The following PXK variants were observed in gnomAD, a reference collection of about 807,000 sequenced individuals.
PXK encodes the protein PX domain containing serine/threonine kinase like.
PXK carries 35 observed loss-of-function variants against 84.7 expected under a neutral mutation model. The ratio of observed to expected loss-of-function variants is 0.41; its 90% confidence interval spans 0.32 to 0.55. PXK has a LOEUF of 0.55. Ranked by LOEUF, PXK falls within the 20% of genes least tolerant of loss-of-function variation. The probability of loss-of-function intolerance (pLI) is 0.21; values close to 1 mark genes in which losing one functional copy is unlikely to be tolerated. For synonymous variants in PXK, 253 were observed against 260.8 expected, an observed-to-expected ratio of 0.97 and a Z score of 0.29; for missense variants, 634 against 699.7, an observed-to-expected ratio of 0.91 and a Z score of 1.06.
chr3:58,403,688 C>A (rs1029862813), intron 12 of PXK, among the ~76,000 whole-genome samples, 174 bp from the exon 13 acceptor site: 2 of 152,190 alleles, frequency 1.3e-5, no homozygotes, highest in African/African-American at 2.4e-5. Context: ...GGGCCACCTG[C>A]AAATCCCTTT....
In PXK at chr3:58,422,310, G is replaced by A. The variant is rs559654587; in HGVS notation, c.1529-2442G>A. The A allele has an allele frequency of 1.7e-5, 17 of 985,218 alleles. 1 individual carries two copies. The South Asian group carries it at 6.6e-4, about 38-fold the overall frequency. The allele number at this position is 985,218 out of a possible 1,614,324, so 61.0% of individuals were successfully genotyped here. ...TGTTCCAAACTGGCAAGCTGGGTCT[G>A]GCCTTCCTTGCCCTGGTTGTACATA... On this transcript the variant is annotated intron_variant, in intron 17 of 17. Coordinates refer to ENST00000356151, the MANE Select transcript of PXK (RefSeq NM_017771.5).
In PXK at chr3:58,416,267, T is replaced by C. The variant is rs538002404; in HGVS notation, c.1528+3304T>C. 1.3e-4 allele frequency among the ~76,000 whole-genome samples: 20 copies of C among 152,366 alleles called. No individual in the cohort carries two copies. The highest frequency in any genetic ancestry group is 4.8e-4 in the African/African-American group (20 of 41,584). ...TTGGCTATTGTTCTTAAGCCACTTA[T>C]TACCTTCTTGTTTACCAAGTTACTT... is the stretch of plus-strand genomic sequence containing the variant. On this transcript the variant is annotated intron_variant, in intron 17 of 17. Transcript: ENST00000356151. This position sits in a 1 kb window ranked among gnomAD's most constrained non-coding sequence, Gnocchi z 4.8.
chr3:58,422,027 C>T, intron 17 of PXK: 6 of 985,336 alleles, frequency 6.1e-6, no homozygotes, highest in Non-Finnish European at 7.2e-6. Context: ...GGCAGTTGTT[C>T]CCAGGTTTGT....
rs751350857 is a variant in PXK at position 58,412,940 on chromosome 3, C to T, written c.1505C>T (p.Ser502Leu). The change falls in exon 17 of 18, where the codon TCG (serine) becomes TTG (leucine). Residue 502 changes from serine (S) to leucine (L), a missense_variant. Around this residue, in one of 3 missense-constraint regions of PXK, gnomAD observed 273 missense variants for 283.6 expected, o/e 0.96. Coordinates refer to ENST00000356151, the MANE Select transcript of PXK (RefSeq NM_017771.5). This position sits in a 1 kb window ranked among gnomAD's most constrained non-coding sequence, Gnocchi z 6.2. The part of the protein sequence containing the change: ...GASSPLTSPS[S>L]PTPPSTSGIS... ...AGCTCACCTCTCACGTCCCCGTCAT[C>T]GCCAACTCCACCCTCTACATCAGGT... 6.2e-7 allele frequency: 1 copy of T among 1,614,202 alleles called. No individual in the cohort carries two copies. Among genetic ancestry groups the T allele is most frequent in the South Asian group, 1.1e-5 (1 of 91,090 alleles).
intron 1 of PXK, among the ~76,000 whole-genome samples, chr3:58,345,134 A>G (rs1170590249): frequency 6.6e-6 from 1 of 152,188 alleles, no homozygotes; most frequent in African/African-American, 2.4e-5. Flanking sequence ...AAAAGCAAAG[A>G]TGAAGCAAAG....
intron 1 of PXK, among the ~76,000 whole-genome samples, chr3:58,358,601 T>C (rs576387536): frequency 6.6e-6 from 1 of 152,172 alleles, no homozygotes; most frequent in Non-Finnish European, 1.5e-5. Flanking sequence ...CCTTGGTACT[T>C]TGACATTTGG....
chr3:58,407,872 A>G lies in PXK; in HGVS notation c.1231-1052A>G, dbSNP rs943696817. Among the ~76,000 whole-genome samples, 20 of 152,170 alleles carry G rather than the reference A, an allele frequency of 1.3e-4. No individual in the cohort carries two copies. Among genetic ancestry groups the G allele is most frequent in the Non-Finnish European group, 2.8e-4 (19 of 68,034 alleles). ...TTGCCCGGCTGCACCAAAGTTTTAA[A>G]TTTTGATGAAGTTTAATTTTTTTTC... On this transcript the variant is annotated intron_variant, in intron 13 of 17. Transcript: ENST00000356151. The surrounding 1 kb of genome is among the most constrained non-coding windows in gnomAD (Gnocchi z 4.3).
intron 3 of PXK, among the ~76,000 whole-genome samples, chr3:58,380,684 G>A (rs1325538174): frequency 6.6e-6 from 1 of 152,130 alleles, no homozygotes; most frequent in Non-Finnish European, 1.5e-5. Context: ...AGTGGCACAT[G>A]CCTGTAATCC....
At chr3:58,392,519 G>C (rs1203282449) in intron 7 of PXK, among the ~76,000 whole-genome samples, 1 of 152,122 alleles carries the variant, frequency 6.6e-6, no homozygotes, top group Non-Finnish European at 1.5e-5. Context: ...ACTTGGTTTG[G>C]CAAGTTTATT....
At chr3:58,372,401 C>T (rs989419072) in intron 3 of PXK, among the ~76,000 whole-genome samples, 28 of 152,166 alleles carry the variant, frequency 1.8e-4, no homozygotes, top group African/African-American at 6.3e-4. Flanking sequence ...TGGCTGACTG[C>T]AAGCTCCGCC....
intron 1 of PXK, among the ~76,000 whole-genome samples, chr3:58,343,432 A>C (rs2097769094): frequency 6.6e-6 from 1 of 152,176 alleles, no homozygotes; most frequent in Admixed American, 6.5e-5. Flanking sequence ...CACCATATTC[A>C]CCAGCAGCCT....
At chr3:58,396,244 G>T (rs1424096625) in intron 9 of PXK, among the ~76,000 whole-genome samples, 1 of 151,956 alleles carries the variant, frequency 6.6e-6, no homozygotes, top group African/African-American at 2.4e-5. Context: ...TAAATTATAT[G>T]CGTGTACTAT....
rs1249688378 is a variant in PXK, at chr3:58,383,689, C to G, written c.388+989C>G. On this transcript the variant is annotated intron_variant, in intron 4 of 17. Transcript: ENST00000356151. This position sits in a 1 kb window ranked among gnomAD's most constrained non-coding sequence, Gnocchi z 4.0. ...TGTCAGCAGAATGAGAAACTAAATA[C>G]TTAATACATTCTGGTGTCACTTTGA... Among the ~76,000 whole-genome samples the G allele has an allele frequency of 6.6e-6, 1 of 152,224 alleles. No individual in the cohort carries two copies. Among genetic ancestry groups the G allele is most frequent in the East Asian group, 1.9e-4 (1 of 5,202 alleles).
At chr3:58,417,494 G>T (rs914191713) in intron 17 of PXK, among the ~76,000 whole-genome samples, 1 of 152,084 alleles carries the variant, frequency 6.6e-6, no homozygotes, top group Non-Finnish European at 1.5e-5. Context: ...CTTCTCTGGG[G>T]GCTCCTTCTT....
At position 58,425,194 on chromosome 3, in the gene PXK, G is replaced by A; in HGVS notation, c.*234G>A. Reference sequence around the variant, plus strand: ...GCTCCTTTATTAACCCTGTAAAGGAGTCTTGTTTATCCTCTAATGGCCAGG... The same window carrying A: ...GCTCCTTTATTAACCCTGTAAAGGAATCTTGTTTATCCTCTAATGGCCAGG... On this transcript the variant is annotated 3_prime_UTR_variant, in exon 18 of 18. Coordinates refer to ENST00000356151, the MANE Select transcript of PXK (RefSeq NM_017771.5). The A allele has an allele frequency of 1.8e-6, 1 of 548,928 alleles. No homozygotes were observed. Among genetic ancestry groups the A allele is most frequent in the South Asian group, 2.3e-5 (1 of 44,336 alleles). The allele number at this position is 548,928 out of a possible 1,614,324, so 34.0% of individuals were successfully genotyped here.
intron 1 of PXK, among the ~76,000 whole-genome samples, chr3:58,351,722 C>G (rs2097929591): frequency 6.6e-6 from 1 of 151,912 alleles, no homozygotes. Context: ...GGCATAGAAT[C>G]TAGGACAACA....
In PXK at chr3:58,370,292, A is replaced by T. The variant is rs917593204; in HGVS notation, c.201+814A>T. Among the ~76,000 whole-genome samples, 2 of 152,214 alleles carry T rather than the reference A, an allele frequency of 1.3e-5. No homozygotes were observed. The highest frequency in any genetic ancestry group is 2.9e-5 in the Non-Finnish European group (2 of 68,028). ...CTTGAGGGCCATAATGGGAAGAAGC[A>T]TGAGCTGGAAGGTCTTCATCTAGAA... On this transcript the variant is annotated intron_variant, in intron 3 of 17. Transcript: ENST00000356151. The surrounding 1 kb of genome is among the most constrained non-coding windows in gnomAD (Gnocchi z 4.2).
rs1314284427 is a variant in PXK, at chr3:58,354,824, C to T, written c.103-11050C>T. Among the ~76,000 whole-genome samples, 3 of 152,056 alleles carry T rather than the reference C, an allele frequency of 2.0e-5. No individual in the cohort carries two copies. In the East Asian group the frequency reaches 5.8e-4, roughly 29 times the overall value. ...AGTATCAACTGAGGAACATTTAAGACCTGCTGGCCAGGTGTGGTGGCAGTG... is the reference window on the plus strand; with the variant it reads ...AGTATCAACTGAGGAACATTTAAGATCTGCTGGCCAGGTGTGGTGGCAGTG... On this transcript the variant is annotated intron_variant, in intron 1 of 17. Coordinates refer to ENST00000356151, the MANE Select transcript of PXK (RefSeq NM_017771.5).
At chr3:58,402,042 A>G (rs1339308661) in intron 12 of PXK, among the ~76,000 whole-genome samples, 1 of 152,052 alleles carries the variant, frequency 6.6e-6, no homozygotes, top group Non-Finnish European at 1.5e-5. Context: ...GGACAACATA[A>G]CAAGACTCCA....
Sources: gnomAD v4.1 joint callset for allele counts (sites outside exome capture counted in the v4.1 genomes callset) on GRCh38, gnomAD v4.1.1 for gene constraint, gnomAD v4.1.1 regional missense constraint, Gnocchi (gnomAD v3.1) non-coding constraint, MANE v1.5 for transcripts, NCBI Gene and HGNC (gene_info 2026-07-23, HGNC 2026-07-21) for gene names.